SH3TC2: variants seen among roughly 807,000 people sequenced by gnomAD.
The protein encoded by SH3TC2 is SH3 domain and tetratricopeptide repeats 2.
SH3TC2 carries 87 observed loss-of-function variants against 124.5 expected under a neutral mutation model. That is an observed-to-expected ratio of 0.70 (90% CI 0.59 to 0.84). The LOEUF is 0.84. SH3TC2 is among the 40% of genes least tolerant of loss of function. The pLI, the probability that SH3TC2 is intolerant of heterozygous loss-of-function variation, is 0.00. For synonymous variants in SH3TC2, 634 were observed against 628.5 expected (o/e 1.01, Z -0.13); for missense variants, 1,536 against 1,566.4 (o/e 0.98, Z 0.33).
chr5:149,012,638 C>T lies in SH3TC2; in HGVS notation c.3150G>A (p.Ala1050=), dbSNP rs768044718. ...TDKAAEAWLG[A]GRLHYLMQED... ...CCTGCATGAGGTAGTGGAGTCGCCCCGCCCCAAGCCAGGCCTCAGCAGCCT... is the reference window on the plus strand; with the variant it reads ...CCTGCATGAGGTAGTGGAGTCGCCCTGCCCCAAGCCAGGCCTCAGCAGCCT... The change falls in exon 13 of 17, where the codon GCG becomes GCA. Residue 1050 remains alanine, a synonymous_variant. Transcript: ENST00000515425. 4.2e-5 allele frequency: 67 copies of T among 1,614,018 alleles called. No individual in the cohort carries two copies. The highest frequency in any genetic ancestry group is 2.7e-4 in the South Asian group (25 of 91,072).
chr5:149,043,224 A>G (rs925638812), intron 4 of SH3TC2, among the ~76,000 whole-genome samples: 13 of 152,224 alleles, frequency 8.5e-5, no homozygotes, highest in Non-Finnish European at 1.8e-4. Flanking sequence ...GGTTCAAACT[A>G]CTGTGTCCCT....
chr5:148,983,371 C>A lies in SH3TC2; in HGVS notation c.*21340G>T, dbSNP rs1413321409. On this transcript the variant is annotated 3_prime_UTR_variant, in exon 17 of 17. Transcript: ENST00000515425. ...AAGATATGGTAATGGAGGGAACAGA[C>A]CAGGTTCTGAGTGGATGAAAATAGC... Among the ~76,000 whole-genome samples the A allele has an allele frequency of 6.6e-6, 1 of 152,118 alleles. No homozygotes were observed. Among genetic ancestry groups the A allele is most frequent in the East Asian group, 1.9e-4 (1 of 5,184 alleles).
chr5:149,040,791 T>G (rs1263912660), intron 6 of SH3TC2, 114 bp from the exon 7 acceptor site: 2 of 927,446 alleles, frequency 2.2e-6, no homozygotes, highest in Non-Finnish European at 3.5e-6. Flanking sequence ...TTCTCTTATT[T>G]AAATGATGGC....
intron 16 of SH3TC2, among the ~76,000 whole-genome samples, chr5:149,006,560 C>T (rs1479572972): frequency 6.6e-6 from 1 of 152,064 alleles, no homozygotes; most frequent in African/African-American, 2.4e-5. Context: ...TTTCCATAGG[C>T]CCTTGAGAGA....
rs1754103933 is a variant in SH3TC2, at chr5:149,027,975, T to C, written c.1757A>G (p.His586Arg). 1 of 1,614,070 alleles carries C rather than the reference T, an allele frequency of 6.2e-7. No homozygotes were observed. Reference sequence around the variant, plus strand: ...CTTTTCCAACAGGGCGGAGCCTTTATGTCTCAGCCTCTGTTTCAGGTAGAT... The same window carrying C: ...CTTTTCCAACAGGGCGGAGCCTTTACGTCTCAGCCTCTGTTTCAGGTAGAT... ...AAIYLKQRLRHKGSALLEKAG... is the reference protein window; with the variant it reads ...AAIYLKQRLRRKGSALLEKAG... Residue 586 changes from histidine to arginine, a missense_variant, in exon 11 of 17, where the codon CAT becomes CGT. Around this residue, in one of 3 missense-constraint regions of SH3TC2, gnomAD observed 1,102 missense variants for 1,098.6 expected, o/e 1.00. Coordinates refer to ENST00000515425, the MANE Select transcript of SH3TC2 (RefSeq NM_024577.4).
At position 148,995,256 on chromosome 5, in the gene SH3TC2, A is replaced by C. The variant is rs1753490260; in HGVS notation, c.*9455T>G. On this transcript the variant is annotated 3_prime_UTR_variant, in exon 17 of 17. Transcript: ENST00000515425. ...ATAAAGCACTGATTTTCCAGGTCAG[A>C]CAAAAGTGATTTTGAATCTCTGCAA... 1.3e-5 allele frequency among the ~76,000 whole-genome samples: 2 copies of C among 152,240 alleles called. No homozygotes were observed. The highest frequency in any genetic ancestry group is 4.1e-4 in the South Asian group (2 of 4,834).
At position 149,021,780 on chromosome 5, in the gene SH3TC2, C is replaced by T. The variant is rs542789061; in HGVS notation, c.3053+4792G>A. Among the ~76,000 whole-genome samples the T allele has an allele frequency of 1.6e-4, 24 of 149,118 alleles. No homozygotes were observed. In the East Asian group the frequency reaches 4.5e-3, roughly 28 times the overall value. On this transcript the variant is annotated intron_variant, in intron 12 of 16. Transcript: ENST00000515425. ...GAATTAGCAATTTTCAAAAACAAAACAAAAAAACTCCTTACAAAGGTAAGT... is the reference window on the plus strand; with the variant it reads ...GAATTAGCAATTTTCAAAAACAAAATAAAAAAACTCCTTACAAAGGTAAGT...
At chr5:149,014,616 A>G (rs1055926928) in intron 12 of SH3TC2, among the ~76,000 whole-genome samples, 1 of 152,102 alleles carries the variant, frequency 6.6e-6, no homozygotes, top group Non-Finnish European at 1.5e-5. Context: ...TGCTCTTAAC[A>G]TGAGATTTAT....
chr5:149,039,897 G>C (rs1304603565), intron 7 of SH3TC2, among the ~76,000 whole-genome samples: 1 of 151,472 alleles, frequency 6.6e-6, no homozygotes, highest in Non-Finnish European at 1.5e-5. Context: ...TTCTTTTTTT[G>C]TGTTATTTGG....
At chr5:149,038,539 G>C (rs1311388951) in intron 7 of SH3TC2, 49 bp from the exon 8 acceptor site, 1 of 1,567,798 alleles carries the variant, frequency 6.4e-7, no homozygotes, top group African/African-American at 1.4e-5. Context: ...GAACAGCTGA[G>C]CCTCCCATCA....
Position 148,990,153 on chromosome 5 carries a change from A to G in SH3TC2, c.*14558T>C, listed in dbSNP as rs1237370372. On this transcript the variant is annotated 3_prime_UTR_variant, in exon 17 of 17. Transcript: ENST00000515425. ...CATGATGGTATGCTCTGGGTGCGCTAGGCTACTCTGTTTTGTTCTTTCTCT... is the reference window on the plus strand; with the variant it reads ...CATGATGGTATGCTCTGGGTGCGCTGGGCTACTCTGTTTTGTTCTTTCTCT... Among the ~76,000 whole-genome samples the G allele has an allele frequency of 6.6e-6, 1 of 152,038 alleles. No homozygotes were observed. Among genetic ancestry groups the G allele is most frequent in the East Asian group, 1.9e-4 (1 of 5,176 alleles).
intron 14 of SH3TC2, among the ~76,000 whole-genome samples, chr5:149,009,997 C>G (rs1042802684): frequency 1.2e-4 from 18 of 152,160 alleles, no homozygotes; most frequent in Non-Finnish European, 8.8e-5. Context: ...ACCCAAGAGT[C>G]TGAGATGGTC....
At position 148,999,486 on chromosome 5, in the gene SH3TC2, T is replaced by A. The variant is rs1753562098; in HGVS notation, c.*5225A>T. ...GCAGAGCCCATTCCCTTGAATTTCTTCCTTCTTTGCCGCTTGTCCACACAT... is the reference window on the plus strand; with the variant it reads ...GCAGAGCCCATTCCCTTGAATTTCTACCTTCTTTGCCGCTTGTCCACACAT... On this transcript the variant is annotated 3_prime_UTR_variant, in exon 17 of 17. Transcript: ENST00000515425. Among the ~76,000 whole-genome samples, 2 of 152,176 alleles carry A rather than the reference T, an allele frequency of 1.3e-5. No individual in the cohort carries two copies. The highest frequency in any genetic ancestry group is 4.1e-4 in the South Asian group (2 of 4,828).
Position 148,983,600 on chromosome 5 carries a change from A to G in SH3TC2, c.*21111T>C, listed in dbSNP as rs1417991802. 6.6e-6 allele frequency among the ~76,000 whole-genome samples: 1 copy of G among 152,166 alleles called. No individual in the cohort carries two copies. The highest frequency in any genetic ancestry group is 1.9e-4 in the East Asian group (1 of 5,190). ...TTGCTGAAGTGCACATTCCCCTTCC[A>G]GTAACAGCAATCTAGCTTCCTATTT... On this transcript the variant is annotated 3_prime_UTR_variant, in exon 17 of 17. Transcript: ENST00000515425.
intron 9 of SH3TC2, among the ~76,000 whole-genome samples, chr5:149,029,117 C>A (rs1299058479): frequency 6.6e-6 from 1 of 152,200 alleles, no homozygotes; most frequent in Non-Finnish European, 1.5e-5. Flanking sequence ...AGCCAGGACA[C>A]AACTCCCAGC....
At chr5:149,024,176 ACTC>A (rs1754025193) in intron 12 of SH3TC2, among the ~76,000 whole-genome samples, 1 of 151,926 alleles carries the variant, frequency 6.6e-6, no homozygotes, top group South Asian at 2.1e-4. Context: ...GGAGCCAGGG[ACTC>A]CTCCACACAA....
intron 8 of SH3TC2, among the ~76,000 whole-genome samples, chr5:149,032,227 C>T (rs973022369): frequency 6.6e-6 from 1 of 152,100 alleles, no homozygotes; most frequent in Admixed American, 6.5e-5. Context: ...CATAGAACAA[C>T]AGTTTAGTCA....
chr5:149,034,820 G>A (rs1323635810), intron 8 of SH3TC2, among the ~76,000 whole-genome samples: 2 of 152,108 alleles, frequency 1.3e-5, no homozygotes, highest in Non-Finnish European at 2.9e-5. Flanking sequence ...TCTCTGAAAA[G>A]ACAAGCAAAA....
In SH3TC2 at chr5:148,986,982, T is replaced by C. The variant is rs1228548050; in HGVS notation, c.*17729A>G. Among the ~76,000 whole-genome samples, 1 of 152,244 alleles carries C rather than the reference T, an allele frequency of 6.6e-6. No individual in the cohort carries two copies. Among genetic ancestry groups the C allele is most frequent in the Non-Finnish European group, 1.5e-5 (1 of 68,046 alleles). ...ACTCCAGTTCAATGCCAGGGAGCTA[T>C]TGTTTCTAAAATGATTTTTGGAAAA... On this transcript the variant is annotated 3_prime_UTR_variant, in exon 17 of 17. Transcript: ENST00000515425.
Sources: gnomAD v4.1 joint callset for allele counts (sites outside exome capture counted in the v4.1 genomes callset) on GRCh38, gnomAD v4.1.1 for gene constraint, gnomAD v4.1.1 regional missense constraint, MANE v1.5 for transcripts, NCBI Gene and HGNC (gene_info 2026-07-23, HGNC 2026-07-21) for gene names.